Variants in NRXN1 observed in about 807,000 individuals in gnomAD.
NRXN1 encodes the protein neurexin 1, also known as neurexin-1.
Under a neutral mutation model 150.9 loss-of-function variants are expected in NRXN1, and 39 were observed. That is an observed-to-expected ratio of 0.26 (90% CI 0.20 to 0.34). The LOEUF is 0.34. Among genes scored for constraint, NRXN1 ranks in the 10% least tolerant of loss-of-function variants. The probability of loss-of-function intolerance (pLI) is 1.00; values close to 1 mark genes in which losing one functional copy is unlikely to be tolerated. For synonymous variants in NRXN1, 924 were observed against 757.0 expected (o/e 1.22, Z -3.62); for missense variants, 1,815 against 1,949.9 (o/e 0.93, Z 1.30).
intron 8 of NRXN1, among the ~76,000 whole-genome samples, chr2:50,603,299 A>G (rs1255140614): frequency 6.6e-6 from 1 of 152,134 alleles, no homozygotes; most frequent in Non-Finnish European, 1.5e-5. Context: ...AAACCTGTAA[A>G]ACTTAATGAG....
intron 18 of NRXN1, among the ~76,000 whole-genome samples, chr2:50,120,916 T>C (rs1230244884): frequency 6.6e-6 from 1 of 152,254 alleles, no homozygotes; most frequent in Non-Finnish European, 1.5e-5. Context: ...TAAATGTGGC[T>C]TTAATTGCTG....
intron 5 of NRXN1, among the ~76,000 whole-genome samples, chr2:50,857,230 A>C (rs1390780111): frequency 1.3e-5 from 2 of 152,066 alleles, no homozygotes; most frequent in Non-Finnish European, 2.9e-5. Context: ...AAAGGAGAGA[A>C]GAGGGGATTT....
intron 18 of NRXN1, among the ~76,000 whole-genome samples, chr2:50,218,566 C>A (rs921819607): frequency 1.3e-5 from 2 of 151,472 alleles, no homozygotes; most frequent in African/African-American, 2.4e-5. Flanking sequence ...TGATTATAGC[C>A]CCCTCCCCAC....
chr2:50,016,229 T>C (rs1361486943), intron 21 of NRXN1, among the ~76,000 whole-genome samples: 1 of 152,062 alleles, frequency 6.6e-6, no homozygotes, highest in Non-Finnish European at 1.5e-5. Flanking sequence ...ATAAAATGTA[T>C]GAGTCTCAGG....
intron 2 of NRXN1, among the ~76,000 whole-genome samples, chr2:51,018,738 T>C (rs1669127873): frequency 6.6e-6 from 1 of 152,136 alleles, no homozygotes; most frequent in Non-Finnish European, 1.5e-5. Context: ...ATATTTTCAA[T>C]AATTTTATCA....
chr2:50,630,608 T>C (rs1682113309), intron 5 of NRXN1, among the ~76,000 whole-genome samples: 1 of 151,790 alleles, frequency 6.6e-6, no homozygotes, highest in South Asian at 2.1e-4. Context: ...TGTCAAGTCA[T>C]TTTTGTATGC....
At chr2:49,957,946 A>T (rs1456419288) in intron 21 of NRXN1, among the ~76,000 whole-genome samples, 1 of 152,170 alleles carries the variant, frequency 6.6e-6, no homozygotes, top group Non-Finnish European at 1.5e-5. Flanking sequence ...TACTTTTCCC[A>T]AGTTTCTTAT....
rs543742262 is a variant in NRXN1 at position 49,943,555 on chromosome 2, T to A, written c.4216+149A>T. 1.8e-5 allele frequency: 12 copies of A among 659,412 alleles called. No homozygotes were observed. In the South Asian group the frequency reaches 2.1e-4, roughly 11 times the overall value. 40.8% of individuals were successfully genotyped at this position (659,412 alleles called of 1,614,324 possible). The stretch of plus-strand genomic sequence containing the variant: ...TTTTTTCAATAAATGTGGAAAAATT[T>A]ATGTAAAAAATAAGAGTCCTCATCT... On this transcript the variant is annotated intron_variant, in intron 22 of 22. Transcript: ENST00000401669.
chr2:50,025,685 T>C (rs1052760684), intron 21 of NRXN1, among the ~76,000 whole-genome samples: 13 of 152,226 alleles, frequency 8.5e-5, no homozygotes, highest in Admixed American at 2.6e-4. Flanking sequence ...CTTAAGCATC[T>C]ATAGTGCCAG....
intron 8 of NRXN1, among the ~76,000 whole-genome samples, chr2:50,618,779 T>A (rs1017732886): frequency 6.0e-5 from 9 of 149,938 alleles, no homozygotes; most frequent in African/African-American, 2.2e-4. Context: ...ATAATAATAA[T>A]AAATAATAAT....
chr2:50,782,106 C>T (rs1372489535), intron 5 of NRXN1, among the ~76,000 whole-genome samples: 1 of 151,536 alleles, frequency 6.6e-6, no homozygotes, highest in Non-Finnish European at 1.5e-5. Flanking sequence ...AGATGCTAAA[C>T]AAAAGATTTA....
At chr2:50,372,546 A>G (rs1471699298) in intron 17 of NRXN1, among the ~76,000 whole-genome samples, 1 of 152,138 alleles carries the variant, frequency 6.6e-6, no homozygotes, top group African/African-American at 2.4e-5. Context: ...CTTTGCCCAG[A>G]GGTTGAGTCA....
intron 8 of NRXN1, among the ~76,000 whole-genome samples, chr2:50,560,373 G>T (rs1668872927): frequency 6.6e-6 from 1 of 152,046 alleles, no homozygotes; most frequent in Admixed American, 6.6e-5. Flanking sequence ...TAGTGGATAG[G>T]GAAGACAGTG....
chr2:50,146,555 T>C (rs1708034297), intron 18 of NRXN1, among the ~76,000 whole-genome samples: 2 of 151,656 alleles, frequency 1.3e-5, no homozygotes, highest in Non-Finnish European at 3.0e-5. Flanking sequence ...ATGATTATTT[T>C]GCCACTACCC....
chr2:50,326,356 AATT>A (rs1440815149), intron 17 of NRXN1, among the ~76,000 whole-genome samples: 4 of 152,206 alleles, frequency 2.6e-5, no homozygotes, highest in African/African-American at 4.8e-5. Flanking sequence ...TGTTTATTGA[AATT>A]ATTATTTTGT....
intron 5 of NRXN1, among the ~76,000 whole-genome samples, chr2:50,782,418 G>A (rs1704477708): frequency 6.6e-6 from 1 of 151,926 alleles, no homozygotes; most frequent in Non-Finnish European, 1.5e-5. Context: ...GCAGTGAGCC[G>A]AGATCATGCC....
chr2:50,317,613 A>G (rs1382735905), intron 17 of NRXN1, among the ~76,000 whole-genome samples: 1 of 152,036 alleles, frequency 6.6e-6, no homozygotes, highest in Non-Finnish European at 1.5e-5. Context: ...CGAATGAAAC[A>G]TCTAAATAAT....
chr2:50,781,087 C>A (rs941472340), intron 5 of NRXN1, among the ~76,000 whole-genome samples: 5 of 152,128 alleles, frequency 3.3e-5, no homozygotes, highest in Non-Finnish European at 5.9e-5. Context: ...AAAGCAGCAG[C>A]CAGAGTATCA....
intron 13 of NRXN1, among the ~76,000 whole-genome samples, chr2:50,498,294 C>T (rs1573261844): frequency 6.6e-6 from 1 of 152,206 alleles, no homozygotes. Flanking sequence ...ATTCACTTTC[C>T]CTCTTCGTGC....
Sources: gnomAD v4.1 joint callset for allele counts (sites outside exome capture counted in the v4.1 genomes callset) on GRCh38, gnomAD v4.1.1 for gene constraint, MANE v1.5 for transcripts, NCBI Gene and HGNC (gene_info 2026-07-23, HGNC 2026-07-21) for gene names.